The following LRP1 variants were observed in gnomAD, a reference collection of about 807,000 sequenced individuals.
LRP1 encodes the protein LDL receptor related protein 1, also known as prolow-density lipoprotein receptor-related protein 1.
LRP1 carries 51 observed loss-of-function variants against 541.5 expected under a neutral mutation model. That is an observed-to-expected ratio of 0.09 (90% CI 0.08 to 0.12). The LOEUF (loss-of-function observed/expected upper bound fraction) is 0.12, where lower values mean the gene tolerates loss of function less well. LRP1 is among the 10% of genes least tolerant of loss of function. LRP1 has a pLI of 1.00. For synonymous variants in LRP1, 2,219 were observed against 2,470.8 expected, an observed-to-expected ratio of 0.90 and a Z score of 3.02; for missense variants, 3,878 against 6,376.2, an observed-to-expected ratio of 0.61 and a Z score of 13.34.
At position 57,204,766 on chromosome 12, in the gene LRP1, C is replaced by G; in HGVS notation, c.11194+17C>G. ...AGGACTGTGGTGAGCAGGGGGCCGA[C>G]GAGAGGCCTGCAGGGGACGGGTAGT... On this transcript the variant is annotated intron_variant, in intron 72 of 88. Coordinates refer to ENST00000243077, the MANE Select transcript of LRP1 (RefSeq NM_002332.3). This position sits in a 1 kb window ranked among gnomAD's most constrained non-coding sequence, Gnocchi z 5.3. 4 of 1,613,402 alleles carry G rather than the reference C, an allele frequency of 2.5e-6. No homozygotes were observed. Among genetic ancestry groups the G allele is most frequent in the Non-Finnish European group, 3.4e-6 (4 of 1,179,730 alleles).
In LRP1 at chr12:57,190,855, C is replaced by T. The variant is rs2136718738; in HGVS notation, c.7082C>T (p.Ala2361Val). 6.2e-7 allele frequency: 1 copy of T among 1,613,980 alleles called. No individual in the cohort carries two copies. The highest frequency in any genetic ancestry group is 8.5e-7 in the Non-Finnish European group (1 of 1,179,986). The change falls in exon 43 of 89, where the codon GCG becomes GTG. Residue 2361 changes from alanine (A) to valine (V), a missense_variant. Physicochemically the swap from Ala to Val is moderately conservative, Grantham distance 64. Around this residue, in one of 13 missense-constraint regions of LRP1, gnomAD observed 1,100 missense variants for 1,827.4 expected, o/e 0.60. Transcript: ENST00000243077. ...GAGCAGCATCCCAGCATCATGCGGG[C>T]GGCGCTCTCGGGAGCCAATGTCCTG... The part of the protein sequence containing the change: ...WNEQHPSIMR[A>V]ALSGANVLTL...
chr12:57,203,334 G>C, intron 69 of LRP1, 47 bp downstream of exon 69: 1 of 1,590,086 alleles, frequency 6.3e-7, no homozygotes, highest in Non-Finnish European at 8.6e-7. Flanking sequence ...GAGGAGTTCA[G>C]GCAGGGCTTG....
chr12:57,187,488 G>A, intron 42 of LRP1, 32 bp downstream of exon 42: 5 of 1,593,808 alleles, frequency 3.1e-6, no homozygotes, highest in Non-Finnish European at 2.6e-6. Flanking sequence ...GGGGTAGCAG[G>A]GAGAGGTGGG....
Position 57,212,528 on chromosome 12 carries a change from G to A in LRP1, c.13608G>A (p.Glu4536=), listed in dbSNP as rs745977830. The change falls in exon 89 of 89, where the codon GAG becomes GAA. Residue 4536 remains glutamate, a synonymous_variant. Transcript: ENST00000243077. The surrounding 1 kb of genome is among the most constrained non-coding windows in gnomAD (Gnocchi z 5.0). ...GAGAACTCCTGGGCCGGGGCCCTGA[G>A]GACGAGATAGGGGACCCCTTGGCAT... The part of the protein sequence containing the change: ...EKRELLGRGP[E]DEIGDPLA 3 of 1,612,576 alleles carry A rather than the reference G, an allele frequency of 1.9e-6. No homozygotes were observed. The highest frequency in any genetic ancestry group is 2.7e-5 in the African/African-American group (2 of 74,906).
At chr12:57,160,858 G>T (rs1392520819) in intron 12 of LRP1, 35 bp from the exon 13 acceptor site, 1 of 1,556,744 alleles carries the variant, frequency 6.4e-7, no homozygotes, top group Non-Finnish European at 8.8e-7. Flanking sequence ...GATGGCGGGG[G>T]TGCCCAGGTG....
chr12:57,159,961 CAAA>C lies in LRP1; in HGVS notation c.1937_1939del (p.Lys646del). 1 of 1,614,124 alleles carries C rather than the reference CAAA, an allele frequency of 6.2e-7. No individual in the cohort carries two copies. The highest frequency in any genetic ancestry group is 8.5e-7 in the Non-Finnish European group (1 of 1,180,022). ...AGACCCGCAAGACTTTAATCGAGGG[CAAA>C]ATGACACACCCCAGGGCTATTGTGG... On this transcript the variant is annotated inframe_deletion, in exon 12 of 89. Transcript: ENST00000243077.
In LRP1 at chr12:57,154,436, G is replaced by A. The variant is rs761346159; in HGVS notation, c.1005-43G>A. 2 of 1,606,890 alleles carry A rather than the reference G, an allele frequency of 1.2e-6. No individual in the cohort carries two copies. The highest frequency in any genetic ancestry group is 2.2e-5 in the East Asian group (1 of 44,706). Reference sequence around the variant, plus strand: ...GGCTGAGGCTACAGTGGTAAGGAGGGTGCCCAATGTCCAGACCCCATTTAA... The same window carrying A: ...GGCTGAGGCTACAGTGGTAAGGAGGATGCCCAATGTCCAGACCCCATTTAA... On this transcript the variant is annotated intron_variant, in intron 7 of 88. Coordinates refer to ENST00000243077, the MANE Select transcript of LRP1 (RefSeq NM_002332.3). This position sits in a 1 kb window ranked among gnomAD's most constrained non-coding sequence, Gnocchi z 4.6.
Position 57,211,848 on chromosome 12 carries a change from C to CG in LRP1, c.13258+37dup, listed in dbSNP as rs1395408915. On this transcript the variant is annotated intron_variant, in intron 86 of 88. Transcript: ENST00000243077. This position sits in a 1 kb window ranked among gnomAD's most constrained non-coding sequence, Gnocchi z 4.3. ...CAGGGGTTGGGGCAGGCAGGGCCAC[C>CG]GGGACCTAGAGCAGGGGGACCGTGT... 1.9e-6 allele frequency: 3 copies of CG among 1,613,008 alleles called. No individual in the cohort carries two copies. The East Asian group carries it at 6.7e-5, about 36-fold the overall frequency.
At chr12:57,192,703 C>T in intron 44 of LRP1, 142 bp from the exon 45 acceptor site, 1 of 1,149,126 alleles carries the variant, frequency 8.7e-7, no homozygotes. Flanking sequence ...ATGCCCTCCC[C>T]ACTGGCTGCA....
chr12:57,162,182 G>A lies in LRP1; in HGVS notation c.2203-135G>A. ...CTGTGTGCAAAACTATCACTCTCTG[G>A]GGCTCCCAGGCTAATGGGGGAAACA... On this transcript the variant is annotated intron_variant, in intron 13 of 88. Coordinates refer to ENST00000243077, the MANE Select transcript of LRP1 (RefSeq NM_002332.3). This position sits in a 1 kb window ranked among gnomAD's most constrained non-coding sequence, Gnocchi z 5.2. 1 of 760,932 alleles carries A rather than the reference G, an allele frequency of 1.3e-6. No individual in the cohort carries two copies. 47.1% of individuals were successfully genotyped at this position (760,932 alleles called of 1,614,324 possible). A position where few individuals can be genotyped will look rare whatever the true frequency, so the allele number is the denominator to read the frequency against.
In LRP1 at chr12:57,141,709, C is replaced by T. The variant is rs538415182; in HGVS notation, c.328+198C>T. Among the ~76,000 whole-genome samples, 11 of 152,092 alleles carry T rather than the reference C, an allele frequency of 7.2e-5. No homozygotes were observed. The East Asian group carries it at 2.1e-3, about 30-fold the overall frequency. ...GTCAGACAGCCCTGTGGGCCTCAGC[C>T]GTGGGCTGTAGCCTGGGCACTTCCC... On this transcript the variant is annotated intron_variant, in intron 3 of 88. Coordinates refer to ENST00000243077, the MANE Select transcript of LRP1 (RefSeq NM_002332.3).
Position 57,179,659 on chromosome 12 carries a change from C to A in LRP1, c.4966+103C>A. On this transcript the variant is annotated intron_variant, in intron 29 of 88. Transcript: ENST00000243077. This position sits in a 1 kb window ranked among gnomAD's most constrained non-coding sequence, Gnocchi z 6.8. ...GGTCCGAGTGGTCCTTCTCCCAGTC[C>A]TGTTCCCCCTCAGTGCTCCAGCCTG... 1 of 1,404,072 alleles carries A rather than the reference C, an allele frequency of 7.1e-7. No homozygotes were observed. Among genetic ancestry groups the A allele is most frequent in the South Asian group, 1.2e-5 (1 of 81,326 alleles). The allele number at this position is 1,404,072 out of a possible 1,614,324, so 87.0% of individuals were successfully genotyped here.
rs2035671791 is a variant in LRP1 at position 57,158,709 on chromosome 12, C to A, written c.1798+71C>A. 5.0e-6 allele frequency: 7 copies of A among 1,406,692 alleles called. No homozygotes were observed. Among genetic ancestry groups the A allele is most frequent in the Non-Finnish European group, 7.0e-6 (7 of 1,002,368 alleles). The allele number at this position is 1,406,692 out of a possible 1,614,324, so 87.1% of individuals were successfully genotyped here. A position where few individuals can be genotyped will look rare whatever the true frequency, so the allele number is the denominator to read the frequency against. On this transcript the variant is annotated intron_variant, in intron 11 of 88. Transcript: ENST00000243077. The surrounding 1 kb of genome is among the most constrained non-coding windows in gnomAD (Gnocchi z 5.3). ...GGGCCCAGGCATCTGTTTCTCGGTG[C>A]CCTCTCAGCAGGATGGTCCCCTGCT...
At chr12:57,149,218 A>G (rs192936135) in intron 6 of LRP1, 2 of 438,900 alleles carry the variant, frequency 4.6e-6, no homozygotes, top group Admixed American at 3.9e-5. Context: ...GGCCTTTCTG[A>G]CCCATGGGAT....
Position 57,154,121 on chromosome 12 carries a change from C to T in LRP1, c.842-87C>T. ...GAGGGCGTCCAGAGAAGGTGGGCTTCCAGGTGTGGGTTCTCACCAGCAAAG... is the reference window on the plus strand; with the variant it reads ...GAGGGCGTCCAGAGAAGGTGGGCTTTCAGGTGTGGGTTCTCACCAGCAAAG... On this transcript the variant is annotated intron_variant, in intron 6 of 88. Transcript: ENST00000243077. This position sits in a 1 kb window ranked among gnomAD's most constrained non-coding sequence, Gnocchi z 4.6. 2 of 1,314,956 alleles carry T rather than the reference C, an allele frequency of 1.5e-6. No individual in the cohort carries two copies. The highest frequency in any genetic ancestry group is 2.1e-4 in the Middle Eastern group (1 of 4,844). 81.5% of individuals were successfully genotyped at this position (1,314,956 alleles called of 1,614,324 possible).
rs2036247788 is a variant in LRP1, at chr12:57,185,316, G to A, written c.6463+111G>A. On this transcript the variant is annotated intron_variant, in intron 40 of 88. Coordinates refer to ENST00000243077, the MANE Select transcript of LRP1 (RefSeq NM_002332.3). The surrounding 1 kb of genome is among the most constrained non-coding windows in gnomAD (Gnocchi z 4.9). ...GGCTGGGAGACAAGTTAGACCCATGGGGCAACTTCCGATGGCCCGAGAGAC... is the reference window on the plus strand; with the variant it reads ...GGCTGGGAGACAAGTTAGACCCATGAGGCAACTTCCGATGGCCCGAGAGAC... 6.8e-7 allele frequency: 1 copy of A among 1,480,560 alleles called. No homozygotes were observed. The highest frequency in any genetic ancestry group is 9.2e-7 in the Non-Finnish European group (1 of 1,090,872). 91.7% of individuals were successfully genotyped at this position (1,480,560 alleles called of 1,614,324 possible). A position where few individuals can be genotyped will look rare whatever the true frequency, so the allele number is the denominator to read the frequency against.
At chr12:57,149,916 G>A in intron 6 of LRP1, 1 of 617,410 alleles carries the variant, frequency 1.6e-6, no homozygotes, top group Non-Finnish European at 2.9e-6. Context: ...AGGATTACTA[G>A]ACAGACTGTC....
chr12:57,197,590 A>G lies in LRP1; in HGVS notation c.9208A>G (p.Met3070Val). ...VALDFDYREQ[M>V]IYWTDVTTQG... is the part of the protein sequence containing the mutation. The stretch of plus-strand genomic sequence containing the variant: ...CTTGGATTTTGACTACCGAGAGCAG[A>G]TGATCTACTGGACAGATGTGACCAC... The change falls in exon 58 of 89, where the codon ATG (methionine) becomes GTG (valine). Residue 3070 changes from methionine (M) to valine (V), a missense_variant. By Grantham distance (21) the Met-to-Val change is conservative. Transcript: ENST00000243077. This position sits in a 1 kb window ranked among gnomAD's most constrained non-coding sequence, Gnocchi z 4.5. 6.2e-7 allele frequency: 1 copy of G among 1,614,030 alleles called. No individual in the cohort carries two copies. Among genetic ancestry groups the G allele is most frequent in the Non-Finnish European group, 8.5e-7 (1 of 1,179,990 alleles).
Position 57,177,665 on chromosome 12 carries a change from TGAG to T in LRP1, c.4361+76_4361+78del. 1.3e-6 allele frequency: 2 copies of T among 1,511,588 alleles called. No individual in the cohort carries two copies. Among genetic ancestry groups the T allele is most frequent in the Non-Finnish European group, 9.0e-7 (1 of 1,105,194 alleles). 93.6% of individuals were successfully genotyped at this position (1,511,588 alleles called of 1,614,324 possible). On this transcript the variant is annotated intron_variant, in intron 26 of 88. Coordinates refer to ENST00000243077, the MANE Select transcript of LRP1 (RefSeq NM_002332.3). The surrounding 1 kb of genome is among the most constrained non-coding windows in gnomAD (Gnocchi z 6.8). ...CGGGGTGGGGAGGAACCTGTGGTGATGAGGGTGATGAGAAGGACCAAGGGATCT... is the reference window on the plus strand; with the variant it reads ...CGGGGTGGGGAGGAACCTGTGGTGATGGTGATGAGAAGGACCAAGGGATCT...
Sources: allele counts gnomAD v4.1 joint callset (sites outside exome capture counted in the v4.1 genomes callset), GRCh38; gene constraint gnomAD v4.1.1; regional missense constraint gnomAD v4.1.1; non-coding constraint Gnocchi (gnomAD v3.1); transcripts MANE v1.5; gene names NCBI Gene and HGNC (gene_info 2026-07-23, HGNC 2026-07-21).